Variants in SFMBT2 observed in about 807,000 individuals in gnomAD.
The protein encoded by SFMBT2 is Scm like with four mbt domains 2.
SFMBT2 carries 38 observed loss-of-function variants against 110.1 expected under a neutral mutation model. That is an observed-to-expected ratio of 0.35 (90% CI 0.27 to 0.45). The LOEUF (loss-of-function observed/expected upper bound fraction) is 0.45, where lower values mean the gene tolerates loss of function less well. Among genes scored for constraint, SFMBT2 ranks in the 20% least tolerant of loss-of-function variants. SFMBT2 has a pLI of 1.00. For missense variants in SFMBT2, 1,011 were observed against 1,094.9 expected, an observed-to-expected ratio of 0.92 and a Z score of 1.08; for synonymous variants, 425 against 425.4, an observed-to-expected ratio of 1.00 and a Z score of 0.01.
At chr10:7,318,915 T>C (rs548027419) in intron 4 of SFMBT2, among the ~76,000 whole-genome samples, 2 of 152,216 alleles carry the variant, frequency 1.3e-5, no homozygotes, top group Non-Finnish European at 2.9e-5. Flanking sequence ...CATGCAATTA[T>C]CTGAGGGAAG....
At chr10:7,362,063 A>T (rs1284925341) in intron 4 of SFMBT2, among the ~76,000 whole-genome samples, 2 of 152,240 alleles carry the variant, frequency 1.3e-5, no homozygotes, top group African/African-American at 4.8e-5. Context: ...GAATAAATCA[A>T]GCCTTATAGA....
At chr10:7,319,940 CAG>C (rs1843129899) in intron 4 of SFMBT2, among the ~76,000 whole-genome samples, 1 of 134,704 alleles carries the variant, frequency 7.4e-6, no homozygotes. Flanking sequence ...GAGAGAGACA[CAG>C]AGACTGAGAG....
intron 1 of SFMBT2, among the ~76,000 whole-genome samples, chr10:7,400,174 A>G (rs144515793): frequency 6.6e-6 from 1 of 152,326 alleles, no homozygotes; most frequent in Non-Finnish European, 1.5e-5. Context: ...CCAGCTGGCT[A>G]TTCAAAGACC....
intron 1 of SFMBT2, among the ~76,000 whole-genome samples, chr10:7,386,872 A>C (rs141138947): frequency 6.6e-6 from 1 of 152,200 alleles, no homozygotes; most frequent in African/African-American, 2.4e-5. Flanking sequence ...TACTGTTCCC[A>C]TCTTACAGAT....
intron 7 of SFMBT2, among the ~76,000 whole-genome samples, chr10:7,260,973 T>C (rs1588393797): frequency 6.7e-6 from 1 of 150,146 alleles, no homozygotes; most frequent in African/African-American, 2.4e-5. Flanking sequence ...AAAAAAAAAG[T>C]GTGGCCTTGG....
chr10:7,371,997 GCTCACTACAAC>G (rs1161858639), intron 2 of SFMBT2, among the ~76,000 whole-genome samples: 1 of 128,740 alleles, frequency 7.8e-6, no homozygotes, highest in Non-Finnish European at 1.5e-5. Flanking sequence ...CGCGATCTCA[GCTCACTACAAC>G]CTCCACCCCC....
Position 7,214,852 on chromosome 10 carries a change from C to T in SFMBT2, c.1330+5559G>A. Reference sequence around the variant, plus strand: ...ATTCCATGCCTGTTTTAATTTATAACAGGGCTCCCCAGTTCAAAACTGGGT... The same window carrying T: ...ATTCCATGCCTGTTTTAATTTATAATAGGGCTCCCCAGTTCAAAACTGGGT... On this transcript the variant is annotated intron_variant, in intron 11 of 20. Coordinates refer to ENST00000397167, the MANE Select transcript of SFMBT2 (RefSeq NM_001387889.1). 5.5e-6 allele frequency: 4 copies of T among 724,182 alleles called. No individual in the cohort carries two copies. The South Asian group carries it at 1.9e-4, about 34-fold the overall frequency. The allele number at this position is 724,182 out of a possible 1,614,324, so 44.9% of individuals were successfully genotyped here.
intron 7 of SFMBT2, among the ~76,000 whole-genome samples, chr10:7,275,340 G>A (rs893550769): frequency 2.0e-5 from 3 of 152,218 alleles, no homozygotes; most frequent in Admixed American, 6.5e-5. Flanking sequence ...CTGAGGCCAC[G>A]GTGAAGAGAA....
intron 10 of SFMBT2, among the ~76,000 whole-genome samples, chr10:7,226,215 G>A (rs1361188085): frequency 6.6e-6 from 1 of 152,234 alleles, no homozygotes; most frequent in Non-Finnish European, 1.5e-5. Flanking sequence ...AAGCAGCCTA[G>A]ATAAGGAGAG....
chr10:7,349,440 C>CTTTTCTTTTTTTT (rs1554808159), intron 4 of SFMBT2, among the ~76,000 whole-genome samples: 2 of 46,888 alleles, frequency 4.3e-5, no homozygotes, highest in East Asian at 1.5e-3. Flanking sequence ...CTTTTCTTTT[C>CTTTTCTTTTTTTT]TTTTTTTTTT....
intron 1 of SFMBT2, among the ~76,000 whole-genome samples, 50 bp downstream of exon 1, chr10:7,410,811 C>T (rs867656849): frequency 7.9e-5 from 12 of 151,280 alleles, no homozygotes; most frequent in African/African-American, 2.9e-4. Flanking sequence ...CGAAGGGCTG[C>T]TCTCCGGCCA....
intron 4 of SFMBT2, among the ~76,000 whole-genome samples, chr10:7,325,874 C>T (rs1411524436): frequency 6.6e-6 from 1 of 152,118 alleles, no homozygotes; most frequent in Non-Finnish European, 1.5e-5. Context: ...GAATTGTACA[C>T]TTTAAGTGGG....
At position 7,179,594 on chromosome 10, in the gene SFMBT2, T is replaced by TA. The variant is rs376799537; in HGVS notation, c.1809-3430dup. 4.6e-3 allele frequency among the ~76,000 whole-genome samples: 701 copies of TA among 152,210 alleles called. 7 individuals are homozygous for TA. The highest frequency in any genetic ancestry group is 0.016 in the African/African-American group (668 of 41,538). ...GGAAAGAGCTCACTATCGAGATTCT[T>TA]AGAGTCCCTAGAAAAATAAAATAAT... On this transcript the variant is annotated intron_variant, in intron 16 of 20. Transcript: ENST00000397167.
rs534536775 is a variant in SFMBT2 at position 7,174,150 on chromosome 10, G to C, written c.1985-1489C>G. Among the ~76,000 whole-genome samples the C allele has an allele frequency of 6.6e-5, 10 of 152,356 alleles. No individual in the cohort carries two copies. In the East Asian group the frequency reaches 1.3e-3, roughly 21 times the overall value. On this transcript the variant is annotated intron_variant, in intron 17 of 20. Transcript: ENST00000397167. ...CCTGTTCTCATCAATCTCTCAAAAG[G>C]AGCAGCTGGCAGGAGAGCTTGGAAC...
At chr10:7,409,604 C>A (rs919936996) in intron 1 of SFMBT2, among the ~76,000 whole-genome samples, 1 of 152,052 alleles carries the variant, frequency 6.6e-6, no homozygotes, top group Non-Finnish European at 1.5e-5. Context: ...CATCCCTTTC[C>A]CCCCTAGCAA....
chr10:7,410,815 C>G (rs1010858980), intron 1 of SFMBT2, among the ~76,000 whole-genome samples, 46 bp downstream of exon 1: 12 of 151,522 alleles, frequency 7.9e-5, no homozygotes, highest in African/African-American at 2.9e-4. Context: ...GGGCTGCTCT[C>G]CGGCCAGCCT....
chr10:7,355,437 C>T (rs936860892), intron 4 of SFMBT2, among the ~76,000 whole-genome samples: 1 of 152,198 alleles, frequency 6.6e-6, no homozygotes, highest in Admixed American at 6.5e-5. Flanking sequence ...AAGTCAACAT[C>T]GGCTTCATCC....
At chr10:7,403,170 T>A (rs1453157947) in intron 1 of SFMBT2, among the ~76,000 whole-genome samples, 1 of 152,144 alleles carries the variant, frequency 6.6e-6, no homozygotes, top group Non-Finnish European at 1.5e-5. Flanking sequence ...CCCACAGCCA[T>A]CTGAACGAAA....
chr10:7,250,770 C>A (rs1003503056), intron 7 of SFMBT2, among the ~76,000 whole-genome samples: 31 of 152,320 alleles, frequency 2.0e-4, no homozygotes, highest in Non-Finnish European at 3.8e-4. Context: ...TTAATAACAG[C>A]CATTCTTACT....
Sources: gnomAD v4.1 joint callset for allele counts (sites outside exome capture counted in the v4.1 genomes callset) on GRCh38, gnomAD v4.1.1 for gene constraint, MANE v1.5 for transcripts, NCBI Gene and HGNC (gene_info 2026-07-23, HGNC 2026-07-21) for gene names.